Variants in RSPO2 observed in about 807,000 individuals in gnomAD.
The protein encoded by RSPO2 is R-spondin-2.
A neutral mutation model predicts 30.9 loss-of-function variants in RSPO2; 14 were observed. The ratio of observed to expected loss-of-function variants is 0.45; its 90% CI spans 0.30 to 0.71. RSPO2 has a LOEUF of 0.71. Ranked by LOEUF, RSPO2 falls within the 30% of genes least tolerant of loss-of-function variation. The pLI, the probability that RSPO2 is intolerant of heterozygous loss-of-function variation, is 0.08. For missense variants in RSPO2, 264 were observed against 301.9 expected, an observed-to-expected ratio of 0.87 and a Z score of 0.93; for synonymous variants, 107 against 96.4, an observed-to-expected ratio of 1.11 and a Z score of -0.64.
At chr8:108,062,756 A>G (rs4735038) in intron 2 of RSPO2, among the ~76,000 whole-genome samples, 45,145 of 151,492 alleles carry the variant, frequency 0.3, 7,683 homozygotes, top group African/African-American at 0.45. Flanking sequence ...CAATATCCCT[A>G]ATGAACATTG....
chr8:108,044,160 A>G (rs1811840494), intron 2 of RSPO2, among the ~76,000 whole-genome samples: 1 of 151,948 alleles, frequency 6.6e-6, no homozygotes, highest in East Asian at 1.9e-4. Flanking sequence ...TCTGAAAAAA[A>G]AAAAAGAAAA....
chr8:108,062,953 C>G (rs1211094702), intron 2 of RSPO2, among the ~76,000 whole-genome samples: 2 of 151,810 alleles, frequency 1.3e-5, no homozygotes, highest in Non-Finnish European at 2.9e-5. Flanking sequence ...TCAATAGATG[C>G]AGAAAAGGAC....
intron 5 of RSPO2, among the ~76,000 whole-genome samples, chr8:107,951,050 T>TTTTTTA (rs1554575801): frequency 1.4e-5 from 1 of 69,798 alleles, no homozygotes; most frequent in African/African-American, 4.0e-5. Context: ...TAAGTTTTTT[T>TTTTTTA]TTGTTGTTGT....
chr8:108,005,171 T>A (rs1484186292), intron 2 of RSPO2, among the ~76,000 whole-genome samples: 1 of 152,146 alleles, frequency 6.6e-6, no homozygotes, highest in African/African-American at 2.4e-5. Flanking sequence ...TGAAGTGATG[T>A]TTTTTTCTGT....
intron 5 of RSPO2, among the ~76,000 whole-genome samples, chr8:107,910,683 T>A (rs1378350740): frequency 2.6e-5 from 4 of 152,192 alleles, no homozygotes; most frequent in Non-Finnish European, 2.9e-5. Context: ...CCTGCAGCAC[T>A]TTGAACCTCC....
chr8:107,992,088 T>C (rs1026544274), intron 2 of RSPO2, among the ~76,000 whole-genome samples: 4 of 151,922 alleles, frequency 2.6e-5, no homozygotes, highest in Non-Finnish European at 5.9e-5. Flanking sequence ...TACACACATA[T>C]GTTCATTGCA....
intron 2 of RSPO2, among the ~76,000 whole-genome samples, chr8:108,053,582 A>AT (rs1344385191): frequency 6.6e-6 from 1 of 152,216 alleles, no homozygotes; most frequent in Non-Finnish European, 1.5e-5. Flanking sequence ...CAATTAAGAC[A>AT]TTTTTAAAAT....
chr8:108,056,921 G>A (rs1280254519), intron 2 of RSPO2, among the ~76,000 whole-genome samples: 4 of 150,900 alleles, frequency 2.7e-5, no homozygotes, highest in Non-Finnish European at 5.9e-5. Flanking sequence ...GCCGGGCATG[G>A]TGGCACATGC....
At chr8:108,065,738 G>C (rs562872763) in intron 2 of RSPO2, among the ~76,000 whole-genome samples, 3 of 151,854 alleles carry the variant, frequency 2.0e-5, no homozygotes, top group Admixed American at 6.6e-5. Context: ...TATATGTTAA[G>C]TTAAAGACTG....
chr8:107,965,303 C>T (rs981120336), intron 3 of RSPO2, among the ~76,000 whole-genome samples: 2 of 152,152 alleles, frequency 1.3e-5, no homozygotes, highest in African/African-American at 4.8e-5. Flanking sequence ...TCTGATGGGG[C>T]TGTCATTTGG....
chr8:107,948,539 A>C (rs1813137912), intron 5 of RSPO2, among the ~76,000 whole-genome samples: 1 of 152,210 alleles, frequency 6.6e-6, no homozygotes, highest in African/African-American at 2.4e-5. Flanking sequence ...ATCTAAAAAT[A>C]TGAGTGCAGG....
chr8:108,058,271 C>T (rs1388499634), intron 2 of RSPO2, among the ~76,000 whole-genome samples: 1 of 152,016 alleles, frequency 6.6e-6, no homozygotes. Flanking sequence ...AAATAAAATA[C>T]CTAGGAATCC....
chr8:107,917,731 A>G (rs2130297199), intron 5 of RSPO2, among the ~76,000 whole-genome samples: 1 of 152,280 alleles, frequency 6.6e-6, no homozygotes, highest in East Asian at 1.9e-4. Context: ...TATTTGTATA[A>G]ATACGTTACT....
At position 107,900,894 on chromosome 8, in the gene RSPO2, T is replaced by C; in HGVS notation, c.*181A>G. On this transcript the variant is annotated 3_prime_UTR_variant, in exon 6 of 6. Coordinates refer to ENST00000276659, the MANE Select transcript of RSPO2 (RefSeq NM_178565.5). The stretch of plus-strand genomic sequence containing the variant: ...TACTCCTGCCTTCACAGTCTCCAGA[T>C]TCAAATCAAAGCATAAATAACACAG... The C allele has an allele frequency of 1.6e-6, 1 of 609,520 alleles. No homozygotes were observed. Among genetic ancestry groups the C allele is most frequent in the Non-Finnish European group, 2.8e-6 (1 of 361,148 alleles). 37.8% of individuals were successfully genotyped at this position (609,520 alleles called of 1,614,324 possible). A position where few individuals can be genotyped will look rare whatever the true frequency, so the allele number is the denominator to read the frequency against.
chr8:107,905,489 G>A lies in RSPO2; in HGVS notation c.617-4299C>T, dbSNP rs114142684. 3.4e-3 allele frequency among the ~76,000 whole-genome samples: 519 copies of A among 152,116 alleles called. 4 individuals are homozygous for A. The highest frequency in any genetic ancestry group is 0.012 in the African/African-American group (493 of 41,526). The stretch of plus-strand genomic sequence containing the variant: ...AATTTACTGTTGTAGCCACAACTGC[G>A]ACAAAACTAGGACTGAGTTTTACTG... On this transcript the variant is annotated intron_variant, in intron 5 of 5. Coordinates refer to ENST00000276659, the MANE Select transcript of RSPO2 (RefSeq NM_178565.5).
intron 3 of RSPO2, among the ~76,000 whole-genome samples, chr8:107,963,177 T>C (rs1053116162): frequency 6.6e-6 from 1 of 151,582 alleles, no homozygotes; most frequent in Non-Finnish European, 1.5e-5. Context: ...ACTATAACCA[T>C]TTAAAAGTAC....
At chr8:108,012,280 C>T (rs1810732174) in intron 2 of RSPO2, among the ~76,000 whole-genome samples, 1 of 152,164 alleles carries the variant, frequency 6.6e-6, no homozygotes, top group South Asian at 2.1e-4. Flanking sequence ...ATCAGCATCA[C>T]CTAGAAGCTG....
At chr8:107,945,604 A>T (rs1813036389) in intron 5 of RSPO2, among the ~76,000 whole-genome samples, 1 of 152,058 alleles carries the variant, frequency 6.6e-6, no homozygotes. Flanking sequence ...TACGTAACAC[A>T]TGCATTGTTT....
intron 2 of RSPO2, among the ~76,000 whole-genome samples, chr8:108,039,942 G>A (rs1315584219): frequency 6.6e-6 from 1 of 152,122 alleles, no homozygotes; most frequent in Non-Finnish European, 1.5e-5. Flanking sequence ...ACAATGAGAA[G>A]TTGGCAGTCT....
Sources: gnomAD v4.1 joint callset for allele counts (sites outside exome capture counted in the v4.1 genomes callset) on GRCh38, gnomAD v4.1.1 for gene constraint, MANE v1.5 for transcripts, NCBI Gene and HGNC (gene_info 2026-07-23, HGNC 2026-07-21) for gene names.